The following CSMD3 variants were observed in gnomAD, a reference collection of about 807,000 sequenced individuals.
The protein encoded by CSMD3 is CUB and Sushi multiple domains 3.
CSMD3 carries 177 observed loss-of-function variants against 435.2 expected under a neutral mutation model. The ratio of observed to expected loss-of-function variants is 0.41; its 90% CI spans 0.36 to 0.46. The LOEUF is 0.46. Ranked by LOEUF, CSMD3 falls within the 20% of genes least tolerant of loss-of-function variation. The pLI is 0.34. For missense variants in CSMD3, 4,265 were observed against 4,504.6 expected, an observed-to-expected ratio of 0.95 and a Z score of 1.52; for synonymous variants, 1,656 against 1,520.5, an observed-to-expected ratio of 1.09 and a Z score of -2.07.
At chr8:112,534,213 CA>C (rs1322922922) in intron 27 of CSMD3, among the ~76,000 whole-genome samples, 1 of 151,836 alleles carries the variant, frequency 6.6e-6, no homozygotes, top group East Asian at 1.9e-4. Flanking sequence ...AAAAAGTCTT[CA>C]AAAAATTAAT....
chr8:113,127,477 C>G (rs916476309), intron 4 of CSMD3, among the ~76,000 whole-genome samples: 2 of 151,970 alleles, frequency 1.3e-5, no homozygotes, highest in African/African-American at 4.8e-5. Flanking sequence ...TACCCTGTTG[C>G]TCCAAGAAAA....
chr8:113,158,451 G>T (rs1225605675), intron 4 of CSMD3, among the ~76,000 whole-genome samples: 1 of 151,976 alleles, frequency 6.6e-6, no homozygotes, highest in Non-Finnish European at 1.5e-5. Flanking sequence ...TAAAATACAA[G>T]ATAATAAAAT....
At chr8:113,292,677 G>C (rs1206456922) in intron 2 of CSMD3, among the ~76,000 whole-genome samples, 1 of 151,808 alleles carries the variant, frequency 6.6e-6, no homozygotes, top group African/African-American at 2.4e-5. Flanking sequence ...ATATGAGATG[G>C]CATGCTGTTA....
intron 22 of CSMD3, among the ~76,000 whole-genome samples, chr8:112,600,995 A>T (rs924963132): frequency 6.6e-6 from 1 of 151,934 alleles, no homozygotes; most frequent in Non-Finnish European, 1.5e-5. Context: ...ACTTCTCTAG[A>T]CCCTGTGAAA....
chr8:112,351,695 C>T (rs1365430848), intron 39 of CSMD3, among the ~76,000 whole-genome samples: 1 of 151,682 alleles, frequency 6.6e-6, no homozygotes, highest in Non-Finnish European at 1.5e-5. Flanking sequence ...ATATAAAGTC[C>T]TGAAAGATCT....
chr8:113,144,653 C>T (rs571546049), intron 4 of CSMD3, among the ~76,000 whole-genome samples: 2 of 151,310 alleles, frequency 1.3e-5, no homozygotes, highest in Admixed American at 6.6e-5. Flanking sequence ...TTACTCTGTG[C>T]CCCCTAGTAA....
intron 10 of CSMD3, among the ~76,000 whole-genome samples, chr8:112,907,516 G>T (rs1467238128): frequency 1.3e-5 from 2 of 151,062 alleles, no homozygotes; most frequent in South Asian, 2.1e-4. Flanking sequence ...TTAATTACTT[G>T]TAGTCAGTAC....
intron 28 of CSMD3, among the ~76,000 whole-genome samples, chr8:112,516,121 G>C (rs747046264): frequency 5.3e-5 from 8 of 152,118 alleles, no homozygotes; most frequent in Non-Finnish European, 1.2e-4. Context: ...TGAAGTTTAT[G>C]GGTTAGGTGT....
At chr8:112,298,248 T>C (rs1820535437) in intron 53 of CSMD3, among the ~76,000 whole-genome samples, 1 of 151,952 alleles carries the variant, frequency 6.6e-6, no homozygotes, top group Non-Finnish European at 1.5e-5. Context: ...AACCGCAAAG[T>C]GTTATGGTAT....
chr8:112,992,648 G>A (rs1416313756), intron 6 of CSMD3, among the ~76,000 whole-genome samples: 2 of 151,792 alleles, frequency 1.3e-5, no homozygotes, highest in African/African-American at 2.4e-5. Flanking sequence ...ATAAGTATTA[G>A]GGAATTACAG....
At chr8:112,502,069 G>A (rs1822023279) in intron 30 of CSMD3, among the ~76,000 whole-genome samples, 1 of 152,168 alleles carries the variant, frequency 6.6e-6, no homozygotes, top group African/African-American at 2.4e-5. Flanking sequence ...AAAAGAGCAG[G>A]AATATCTGAA....
chr8:112,493,515 C>G (rs1820909198), intron 30 of CSMD3, among the ~76,000 whole-genome samples: 1 of 152,068 alleles, frequency 6.6e-6, no homozygotes, highest in Non-Finnish European at 1.5e-5. Flanking sequence ...CAGTCATTCT[C>G]CACATTTTTA....
chr8:113,133,291 G>A (rs1315693158), intron 4 of CSMD3, among the ~76,000 whole-genome samples: 1 of 151,968 alleles, frequency 6.6e-6, no homozygotes, highest in African/African-American at 2.4e-5. Flanking sequence ...TATACAAATA[G>A]CCAACTAACA....
intron 12 of CSMD3, among the ~76,000 whole-genome samples, chr8:112,827,808 A>C (rs1340595169): frequency 6.6e-6 from 1 of 152,212 alleles, no homozygotes; most frequent in East Asian, 1.9e-4. Flanking sequence ...GCTCAAGTGG[A>C]AAATGATAGA....
intron 1 of CSMD3, chr8:113,376,865 T>TC (rs2094387439): frequency 6.2e-7 from 1 of 1,610,888 alleles, no homozygotes; most frequent in Non-Finnish European, 8.5e-7. Context: ...CTTTCCCGGA[T>TC]GATCTGGAAG....
intron 6 of CSMD3, among the ~76,000 whole-genome samples, chr8:113,017,604 T>G (rs73349968): frequency 6.6e-6 from 1 of 151,916 alleles, no homozygotes; most frequent in Non-Finnish European, 1.5e-5. Flanking sequence ...GCCATGCCAT[T>G]GGCCTTAACT....
rs2094458034 is a variant in CSMD3, at chr8:113,390,751, G to A, written c.178+45926C>T. Among the ~76,000 whole-genome samples the A allele has an allele frequency of 2.6e-5, 4 of 152,022 alleles. No homozygotes were observed. The South Asian group carries it at 8.3e-4, about 32-fold the overall frequency. ...TAAGTGACTAAATGAAGGAATGAATGATGTGTTTAAATAGGCACTGTATTT... is the reference window on the plus strand; with the variant it reads ...TAAGTGACTAAATGAAGGAATGAATAATGTGTTTAAATAGGCACTGTATTT... On this transcript the variant is annotated intron_variant, in intron 1 of 70. Coordinates refer to ENST00000297405, the MANE Select transcript of CSMD3 (RefSeq NM_198123.2).
intron 61 of CSMD3, among the ~76,000 whole-genome samples, chr8:112,256,373 G>A (rs1815804650): frequency 6.6e-6 from 1 of 152,090 alleles, no homozygotes; most frequent in African/African-American, 2.4e-5. Flanking sequence ...TAGGAGGTGG[G>A]AGAAGATCTT....
intron 27 of CSMD3, among the ~76,000 whole-genome samples, chr8:112,549,334 C>T (rs1042823183): frequency 6.6e-6 from 1 of 151,856 alleles, no homozygotes; most frequent in African/African-American, 2.4e-5. Context: ...CATTTATATT[C>T]ACCTATTATA....
Sources: gnomAD v4.1 joint callset for allele counts (sites outside exome capture counted in the v4.1 genomes callset) on GRCh38, gnomAD v4.1.1 for gene constraint, MANE v1.5 for transcripts, NCBI Gene and HGNC (gene_info 2026-07-23, HGNC 2026-07-21) for gene names.